Variants in ITGAM observed in about 807,000 individuals in gnomAD.
The protein encoded by ITGAM is integrin alpha-M.
Under a neutral mutation model 137.5 loss-of-function variants are expected in ITGAM, and 79 were observed. The observed-to-expected ratio is 0.57, with a 90% confidence interval of 0.48 to 0.69. The LOEUF is 0.69. ITGAM is among the 30% of genes least tolerant of loss of function. The pLI, the probability that ITGAM is intolerant of heterozygous loss-of-function variation, is 0.00. For synonymous variants in ITGAM, 583 were observed against 592.3 expected (o/e 0.98, Z 0.23); for missense variants, 1,343 against 1,483.5 (o/e 0.91, Z 1.56).
intron 29 of ITGAM, 162 bp from the exon 30 acceptor site, chr16:31,331,474 T>C: frequency 1.5e-6 from 1 of 672,930 alleles, no homozygotes; most frequent in Non-Finnish European, 2.6e-6. Flanking sequence ...CTCCTTGTAG[T>C]TTCTGTTTTT....
intron 2 of ITGAM, among the ~76,000 whole-genome samples, chr16:31,263,718 A>T (rs2144250571): frequency 6.7e-6 from 1 of 148,202 alleles, no homozygotes; most frequent in Admixed American, 6.8e-5. Context: ...TGAGGAAAGT[A>T]GTCTGGGGTA....
At chr16:31,274,966 C>T (rs549457716) in intron 8 of ITGAM, among the ~76,000 whole-genome samples, 1 of 152,232 alleles carries the variant, frequency 6.6e-6, no homozygotes, top group Admixed American at 6.5e-5. Context: ...TGGCAAAGTG[C>T]CCTGTGAAAT....
chr16:31,286,903 G>A (rs933628869), intron 12 of ITGAM, among the ~76,000 whole-genome samples: 13 of 152,148 alleles, frequency 8.5e-5, no homozygotes, highest in East Asian at 1.9e-4. Context: ...GGGCTTAGCC[G>A]AAAGTTCTTT....
chr16:31,261,154 C>G (rs550766837), intron 1 of ITGAM, among the ~76,000 whole-genome samples: 2 of 151,122 alleles, frequency 1.3e-5, no homozygotes, highest in East Asian at 3.9e-4. Flanking sequence ...TTAGGGTGAC[C>G]GAATGGATGG....
chr16:31,298,853 T>C (rs2080166075), intron 14 of ITGAM, among the ~76,000 whole-genome samples: 1 of 152,184 alleles, frequency 6.6e-6, no homozygotes, highest in African/African-American at 2.4e-5. Flanking sequence ...ATGGAGCCCA[T>C]CCTGATGACT....
chr16:31,331,110 G>T, intron 28 of ITGAM, 55 bp from the exon 29 acceptor site: 1 of 918,304 alleles, frequency 1.1e-6, no homozygotes, highest in Admixed American at 1.9e-5. Flanking sequence ...GTGTGAATGG[G>T]GAACCCCCAG....
In ITGAM at chr16:31,321,711, G is replaced by T; in HGVS notation, c.2002+84G>T. ...GCAATCCACTCTGCCCAGCCTTCTG[G>T]CTGTCCTGAACTGAGTTCTCACAGG... is the stretch of plus-strand genomic sequence containing the variant. On this transcript the variant is annotated intron_variant, in intron 16 of 29. Transcript: ENST00000544665. 17 of 1,424,790 alleles carry T rather than the reference G, an allele frequency of 1.2e-5. No homozygotes were observed. The South Asian group carries it at 2.1e-4, about 17-fold the overall frequency. 88.3% of individuals were successfully genotyped at this position (1,424,790 alleles called of 1,614,324 possible).
At chr16:31,285,281 G>A (rs760133609) in intron 12 of ITGAM, among the ~76,000 whole-genome samples, 8 of 152,116 alleles carry the variant, frequency 5.3e-5, no homozygotes, top group Admixed American at 2.6e-4. Flanking sequence ...AGCACAGCCC[G>A]TGGATTTAAT....
intron 23 of ITGAM, chr16:31,328,961 T>G (rs2080544887): frequency 1.8e-6 from 1 of 564,626 alleles, no homozygotes; most frequent in African/African-American, 1.9e-5. Context: ...TTTGTGCGTG[T>G]GTGTGTCTGA....
At chr16:31,302,968 C>CT (rs781216935) in intron 14 of ITGAM, among the ~76,000 whole-genome samples, 1 of 109,456 alleles carries the variant, frequency 9.1e-6, no homozygotes, top group Non-Finnish European at 1.9e-5. Context: ...TTCTTTCTTT[C>CT]TTTCTTTCTT....
chr16:31,269,304 C>T (rs2079803408), intron 5 of ITGAM, among the ~76,000 whole-genome samples: 1 of 152,184 alleles, frequency 6.6e-6, no homozygotes, highest in Admixed American at 6.5e-5. Context: ...AATCTTGTAG[C>T]CTCCAGCTGC....
chr16:31,325,282 G>C lies in ITGAM; in HGVS notation c.2383G>C (p.Gly795Arg), dbSNP rs2080495921. The C allele has an allele frequency of 1.2e-6, 2 of 1,613,062 alleles. No individual in the cohort carries two copies. Among genetic ancestry groups the C allele is most frequent in the African/African-American group, 2.7e-5 (2 of 74,918 alleles). ...CCACAGCCTGGACTGCCTCGTGGTG[G>C]GTGGGCCCCGGGAGTTCAACGTGAC... ...SFMSLDCLVV[G>R]GPREFNVTVT... is the part of the protein sequence containing the mutation. The change falls in exon 20 of 30, where the codon GGT becomes CGT. Residue 795 changes from glycine to arginine, a missense_variant. Transcript: ENST00000544665.
chr16:31,296,607 C>G (rs1036302312), intron 12 of ITGAM, among the ~76,000 whole-genome samples: 1 of 152,136 alleles, frequency 6.6e-6, no homozygotes, highest in South Asian at 2.1e-4. Context: ...GTTGCAGAGC[C>G]GTGGCATGAT....
chr16:31,305,932 T>A (rs2080260244), intron 14 of ITGAM, among the ~76,000 whole-genome samples: 1 of 152,154 alleles, frequency 6.6e-6, no homozygotes, highest in Non-Finnish European at 1.5e-5. Flanking sequence ...TTCTTTTTTT[T>A]GTTATATCCT....
At chr16:31,273,057 A>T (rs1181047359) in intron 7 of ITGAM, among the ~76,000 whole-genome samples, 1 of 152,020 alleles carries the variant, frequency 6.6e-6, no homozygotes, top group Non-Finnish European at 1.5e-5. Flanking sequence ...TCAGCACTTT[A>T]GGAGGCCGAG....
At chr16:31,327,991 G>A (rs2080525996) in intron 22 of ITGAM, 156 bp from the exon 23 acceptor site, 2 of 645,556 alleles carry the variant, frequency 3.1e-6, no homozygotes, top group Non-Finnish European at 5.6e-6. Flanking sequence ...GATGGGCCTG[G>A]GCTAGGCGGG....
chr16:31,288,511 G>A (rs1311307186), intron 12 of ITGAM, among the ~76,000 whole-genome samples: 1 of 152,100 alleles, frequency 6.6e-6, no homozygotes, highest in African/African-American at 2.4e-5. Flanking sequence ...ATGGGGAAAG[G>A]ATTCCCTATT....
At chr16:31,313,627 A>G (rs2080358925) in intron 14 of ITGAM, among the ~76,000 whole-genome samples, 1 of 152,156 alleles carries the variant, frequency 6.6e-6, no homozygotes, top group Non-Finnish European at 1.5e-5. Context: ...ACAGTTTATC[A>G]TTGATGGGCA....
At position 31,277,976 on chromosome 16, in the gene ITGAM, C is replaced by A; in HGVS notation, c.1223C>A (p.Ala408Asp). Residue 408 changes from alanine (A) to aspartate (D), a missense_variant, in exon 12 of 30, where the codon GCC (alanine) becomes GAC (aspartate). Coordinates refer to ENST00000544665, the MANE Select transcript of ITGAM (RefSeq NM_000632.4). ...DMNDAYLGYA[A>D]AIILRNRVQS... ...AGACCCCCACCTTCAGGTTATGCTGCCGCCATCATCTTACGGAACCGGGTG... is the reference window on the plus strand; with the variant it reads ...AGACCCCCACCTTCAGGTTATGCTGACGCCATCATCTTACGGAACCGGGTG... 1 of 1,596,414 alleles carries A rather than the reference C, an allele frequency of 6.3e-7. No homozygotes were observed. The highest frequency in any genetic ancestry group is 8.5e-7 in the Non-Finnish European group (1 of 1,171,356).
Sources: gnomAD v4.1 joint callset for allele counts (sites outside exome capture counted in the v4.1 genomes callset) on GRCh38, gnomAD v4.1.1 for gene constraint, MANE v1.5 for transcripts, NCBI Gene and HGNC (gene_info 2026-07-23, HGNC 2026-07-21) for gene names.